Variants in SORCS1 observed in about 807,000 individuals in gnomAD.
SORCS1 encodes the protein sortilin related VPS10 domain containing receptor 1, also known as VPS10 domain-containing receptor SorCS1.
SORCS1 carries 60 observed loss-of-function variants against 146.1 expected under a neutral mutation model. That is an observed-to-expected ratio of 0.41 (90% CI 0.33 to 0.51). SORCS1 has a LOEUF of 0.51. SORCS1 is among the 20% of genes least tolerant of loss of function. The pLI is 0.21. For synonymous variants in SORCS1, 637 were observed against 584.0 expected (o/e 1.09, Z -1.31); for missense variants, 1,352 against 1,487.6 (o/e 0.91, Z 1.50).
At chr10:106,977,416 G>A (rs1269771639) in intron 1 of SORCS1, among the ~76,000 whole-genome samples, 1 of 152,058 alleles carries the variant, frequency 6.6e-6, no homozygotes, top group African/African-American at 2.4e-5. Context: ...GTTCCTTGTA[G>A]ATTCTGGATA....
intron 1 of SORCS1, among the ~76,000 whole-genome samples, chr10:107,029,700 C>T (rs977219182): frequency 2.6e-5 from 4 of 152,286 alleles, no homozygotes; most frequent in African/African-American, 9.6e-5. Flanking sequence ...ATACTTTAGA[C>T]ATTACAATTA....
At chr10:106,961,440 G>T (rs769083065) in intron 1 of SORCS1, among the ~76,000 whole-genome samples, 6 of 152,220 alleles carry the variant, frequency 3.9e-5, no homozygotes, top group Non-Finnish European at 8.8e-5. Context: ...GTAGTAGATG[G>T]TAGAGAACCA....
intron 1 of SORCS1, among the ~76,000 whole-genome samples, chr10:107,015,635 T>C (rs1238001477): frequency 6.6e-6 from 1 of 152,158 alleles, no homozygotes; most frequent in East Asian, 1.9e-4. Context: ...AATAATACAA[T>C]ATCATGCAAC....
rs34657393 is a variant in SORCS1, at chr10:106,970,905, A to ATT, written c.559-14327_559-14326dup. 6.7e-3 allele frequency among the ~76,000 whole-genome samples: 645 copies of ATT among 96,446 alleles called. 11 individuals carry two copies. Among genetic ancestry groups the ATT allele is most frequent in the Non-Finnish European group, 8.0e-3 (390 of 48,454 alleles). 63.3% of individuals were successfully genotyped at this position (96,446 alleles called of 152,430 possible). Reference sequence around the variant, plus strand: ...AGGCACCCGCCACCATGCACAGCTAATTTTTTTTTTTTTTTTTTTTTTTCA... The same window carrying ATT: ...AGGCACCCGCCACCATGCACAGCTAATTTTTTTTTTTTTTTTTTTTTTTTTCA... On this transcript the variant is annotated intron_variant, in intron 1 of 25. Transcript: ENST00000263054.
intron 7 of SORCS1, among the ~76,000 whole-genome samples, chr10:106,708,565 C>G (rs1051436103): frequency 1.3e-5 from 2 of 152,154 alleles, no homozygotes; most frequent in Non-Finnish European, 1.5e-5. Flanking sequence ...AGCAGTGCAG[C>G]GTATTTGCTT....
intron 3 of SORCS1, among the ~76,000 whole-genome samples, chr10:106,814,781 G>A (rs1312371823): frequency 1.3e-5 from 2 of 151,710 alleles, no homozygotes; most frequent in Admixed American, 6.6e-5. Context: ...CAGGCGTGGT[G>A]GTGGGCGCCT....
chr10:106,782,526 G>A (rs928573708), intron 3 of SORCS1, among the ~76,000 whole-genome samples: 1 of 152,160 alleles, frequency 6.6e-6, no homozygotes, highest in African/African-American at 2.4e-5. Flanking sequence ...TAACAATAAT[G>A]AGGAGTCATT....
intron 1 of SORCS1, among the ~76,000 whole-genome samples, chr10:107,095,447 CA>C (rs550395803): frequency 1.9e-3 from 292 of 152,120 alleles, no homozygotes; most frequent in Non-Finnish European, 2.6e-3. Context: ...TGAACCCAAG[CA>C]AAGAAGAAAG....
chr10:107,015,263 G>C (rs1490365207), intron 1 of SORCS1, among the ~76,000 whole-genome samples: 1 of 152,162 alleles, frequency 6.6e-6, no homozygotes, highest in East Asian at 1.9e-4. Context: ...TGCTGTTGTG[G>C]AGAGATAGAA....
chr10:107,059,567 T>C (rs1960979943), intron 1 of SORCS1, among the ~76,000 whole-genome samples: 1 of 152,076 alleles, frequency 6.6e-6, no homozygotes, highest in Non-Finnish European at 1.5e-5. Flanking sequence ...AGGTCATAAG[T>C]GACAACAAAA....
chr10:107,179,009 T>G, the SORCS1 span, among the ~76,000 whole-genome samples: 2 of 152,156 alleles, frequency 1.3e-5, no homozygotes, highest in African/African-American at 2.4e-5. Context: ...CATATGGTAG[T>G]TCTATTTTTC....
At chr10:107,042,947 G>A (rs1959181815) in intron 1 of SORCS1, among the ~76,000 whole-genome samples, 1 of 152,084 alleles carries the variant, frequency 6.6e-6, no homozygotes, top group Admixed American at 6.5e-5. Context: ...AGGCCATGTT[G>A]GAGCTTCTGT....
intron 2 of SORCS1, among the ~76,000 whole-genome samples, chr10:106,950,134 A>C (rs10884391): frequency 0.42 from 64,332 of 152,112 alleles, 16,866 homozygotes; most frequent in Non-Finnish European, 0.58. Context: ...TCTGCATCAA[A>C]TCATCCCCCT....
At chr10:106,602,249 C>T (rs1846285691) in intron 23 of SORCS1, among the ~76,000 whole-genome samples, 1 of 152,070 alleles carries the variant, frequency 6.6e-6, no homozygotes, top group African/African-American at 2.4e-5. Flanking sequence ...AGGATGAATG[C>T]AAATCTTACT....
chr10:106,811,190 G>A (rs552968757), intron 3 of SORCS1, among the ~76,000 whole-genome samples: 1 of 151,840 alleles, frequency 6.6e-6, no homozygotes, highest in East Asian at 1.9e-4. Flanking sequence ...CACCCACCTC[G>A]GCCTCCAAAG....
At chr10:106,952,168 A>C (rs1954716337) in intron 2 of SORCS1, among the ~76,000 whole-genome samples, 1 of 152,108 alleles carries the variant, frequency 6.6e-6, no homozygotes, top group African/African-American at 2.4e-5. Context: ...GATGGATTTG[A>C]GACTCATCTC....
At chr10:106,925,635 A>G (rs1303514033) in intron 2 of SORCS1, among the ~76,000 whole-genome samples, 1 of 152,238 alleles carries the variant, frequency 6.6e-6, no homozygotes, top group African/African-American at 2.4e-5. Context: ...ATTTTAGCTC[A>G]AACAACAAGC....
chr10:106,659,488 T>G (rs1850558851), intron 17 of SORCS1, among the ~76,000 whole-genome samples: 1 of 152,204 alleles, frequency 6.6e-6, no homozygotes, highest in Admixed American at 6.5e-5. Flanking sequence ...AATATGAATT[T>G]GTTTTCTATC....
At chr10:106,958,031 C>T (rs1327817392) in intron 1 of SORCS1, among the ~76,000 whole-genome samples, 2 of 152,126 alleles carry the variant, frequency 1.3e-5, no homozygotes, top group East Asian at 1.9e-4. Flanking sequence ...AAACCCTTCC[C>T]GTTACAGCTG....
Sources: allele counts gnomAD v4.1 joint callset (sites outside exome capture counted in the v4.1 genomes callset), GRCh38; gene constraint gnomAD v4.1.1; transcripts MANE v1.5; gene names NCBI Gene and HGNC (gene_info 2026-07-23, HGNC 2026-07-21).